Variants in IL1RAPL2 observed in about 807,000 individuals in gnomAD.
The protein encoded by IL1RAPL2 is interleukin 1 receptor accessory protein like 2.
IL1RAPL2 carries 3 observed loss-of-function variants against 44.1 expected under a neutral mutation model. The observed-to-expected ratio is 0.07, with a 90% CI of 0.03 to 0.18. IL1RAPL2 has a LOEUF of 0.18. Among genes scored for constraint, IL1RAPL2 ranks in the 10% least tolerant of loss-of-function variants. The pLI is 1.00. For missense variants in IL1RAPL2, 391 were observed against 496.4 expected (o/e 0.79, Z 2.02); for synonymous variants, 181 against 178.8 (o/e 1.01, Z -0.10).
intron 2 of IL1RAPL2, among the ~76,000 whole-genome samples, chrX:105,045,648 T>G (rs992505288): frequency 7.2e-5 from 8 of 111,720 alleles, no homozygotes; most frequent in Middle Eastern, 4.6e-3. Flanking sequence ...CCTGGGCTTA[T>G]GCAATCTTCC....
At chrX:105,630,507 T>A (rs1436638534) in intron 6 of IL1RAPL2, among the ~76,000 whole-genome samples, 1 of 108,800 alleles carries the variant, frequency 9.2e-6, no homozygotes, top group East Asian at 2.9e-4. Flanking sequence ...GAGCTTTTTT[T>A]TTTTTTTTTA....
At chrX:105,381,041 C>G (rs1275492559) in intron 5 of IL1RAPL2, among the ~76,000 whole-genome samples, 2 of 110,724 alleles carry the variant, frequency 1.8e-5, no homozygotes, top group African/African-American at 6.7e-5. Flanking sequence ...TAGGAAGTGA[C>G]AGAGTAATGA....
chrX:105,075,962 A>T (rs895126266), intron 2 of IL1RAPL2, among the ~76,000 whole-genome samples: 4 of 111,022 alleles, frequency 3.6e-5, no homozygotes, highest in Middle Eastern at 4.6e-3. Context: ...GCTAGCGGTC[A>T]ATCAATTTTG....
chrX:105,532,555 G>A (rs2036645651), intron 6 of IL1RAPL2, among the ~76,000 whole-genome samples: 1 of 108,921 alleles, frequency 9.2e-6, no homozygotes, highest in South Asian at 3.9e-4. Context: ...GTTTCTGATT[G>A]TATTCAATTT....
Position 104,917,010 on chromosome X carries a change from A to G in IL1RAPL2, c.82+258015A>G, listed in dbSNP as rs182273239. On this transcript the variant is annotated intron_variant, in intron 2 of 10. Transcript: ENST00000372582. ...GGATTTTTGCATTGATGTTCATCAA[A>G]GATATTGGTCTAAAATTCTCTTTTT... 4.9e-4 allele frequency among the ~76,000 whole-genome samples: 55 copies of G among 111,707 alleles called. No homozygotes were observed. In the South Asian group the frequency reaches 5.3e-3, roughly 11 times the overall value.
intron 2 of IL1RAPL2, among the ~76,000 whole-genome samples, chrX:104,909,881 C>A (rs925964114): frequency 1.8e-5 from 2 of 112,389 alleles, no homozygotes; most frequent in Non-Finnish European, 3.8e-5. Flanking sequence ...TGGGCTCCAC[C>A]CAGTTCGAGC....
chrX:104,836,944 T>C (rs1030237794), intron 2 of IL1RAPL2, among the ~76,000 whole-genome samples: 2 of 110,986 alleles, frequency 1.8e-5, no homozygotes, highest in African/African-American at 6.6e-5. Context: ...CCTGTGTCCA[T>C]GTGTTCTAAT....
At chrX:105,422,838 T>A (rs1396485672) in intron 5 of IL1RAPL2, among the ~76,000 whole-genome samples, 1 of 110,741 alleles carries the variant, frequency 9.0e-6, no homozygotes, top group Non-Finnish European at 1.9e-5. Context: ...GATGTTACAA[T>A]CTTCAAAGTT....
chrX:104,614,845 G>A (rs1929236975), intron 1 of IL1RAPL2, among the ~76,000 whole-genome samples: 1 of 111,595 alleles, frequency 9.0e-6, no homozygotes, highest in South Asian at 3.7e-4. Context: ...TTGTCTGATA[G>A]ATCTTTCTCT....
chrX:104,623,073 C>A (rs986822379), intron 1 of IL1RAPL2, among the ~76,000 whole-genome samples: 67 of 110,715 alleles, frequency 6.1e-4, no homozygotes, highest in African/African-American at 2.1e-3. Context: ...AAAGTTTTGT[C>A]TCATAATGTC....
At chrX:105,374,872 C>T (rs887654275) in intron 5 of IL1RAPL2, among the ~76,000 whole-genome samples, 7 of 101,184 alleles carry the variant, frequency 6.9e-5, no homozygotes, top group Admixed American at 1.1e-4. Context: ...GGCGTGAACC[C>T]GGTAGACGGA....
At chrX:105,729,868 GGAAGGAAA>G (rs2038386560) in intron 7 of IL1RAPL2, among the ~76,000 whole-genome samples, 1 of 77,092 alleles carries the variant, frequency 1.3e-5, no homozygotes, top group Non-Finnish European at 2.5e-5. Flanking sequence ...GACGAAGGAA[GGAAGGAAA>G]GAAGGAAGGA....
At chrX:104,713,843 C>T (rs184129068) in intron 2 of IL1RAPL2, among the ~76,000 whole-genome samples, 2 of 110,762 alleles carry the variant, frequency 1.8e-5, no homozygotes, top group African/African-American at 6.5e-5. Context: ...ATGTTCACTT[C>T]CCCTCATGGG....
intron 10 of IL1RAPL2, among the ~76,000 whole-genome samples, chrX:105,759,525 A>G (rs1218445063): frequency 8.9e-6 from 1 of 112,514 alleles, no homozygotes; most frequent in Admixed American, 9.4e-5. Context: ...CTTATGGTTT[A>G]TTGGCCACAT....
intron 2 of IL1RAPL2, among the ~76,000 whole-genome samples, chrX:104,665,581 T>G (rs1214949147): frequency 9.0e-6 from 1 of 111,292 alleles, no homozygotes; most frequent in Non-Finnish European, 1.9e-5. Flanking sequence ...TCTTTGGATA[T>G]ATATGTATAT....
intron 6 of IL1RAPL2, among the ~76,000 whole-genome samples, chrX:105,669,433 C>A (rs1236270708): frequency 2.7e-5 from 3 of 111,456 alleles, no homozygotes; most frequent in African/African-American, 9.8e-5. Context: ...ACCCCATAGC[C>A]AAATACCTGA....
chrX:104,908,981 CA>C (rs1190429337), intron 2 of IL1RAPL2, among the ~76,000 whole-genome samples: 1 of 110,524 alleles, frequency 9.0e-6, no homozygotes, highest in African/African-American at 3.3e-5. Context: ...TCAGGTACAC[CA>C]ATCAGACGTA....
intron 2 of IL1RAPL2, among the ~76,000 whole-genome samples, chrX:105,082,053 C>A (rs1332245709): frequency 1.8e-5 from 2 of 111,725 alleles, no homozygotes; most frequent in African/African-American, 3.3e-5. Context: ...AGAAATGGTA[C>A]CAGCTCCTCT....
chrX:104,700,332 G>A (rs1301026318), intron 2 of IL1RAPL2, among the ~76,000 whole-genome samples: 1 of 111,576 alleles, frequency 9.0e-6, no homozygotes, highest in Non-Finnish European at 1.9e-5. Context: ...CGGGATAGGT[G>A]ATTTTCAGAG....
Sources: gnomAD v4.1 joint callset for allele counts (sites outside exome capture counted in the v4.1 genomes callset) on GRCh38, gnomAD v4.1.1 for gene constraint, MANE v1.5 for transcripts, NCBI Gene and HGNC (gene_info 2026-07-23, HGNC 2026-07-21) for gene names.